FUT9: variants seen among roughly 807,000 people sequenced by gnomAD.
The protein encoded by FUT9 is fucosyltransferase 9, also known as 4-galactosyl-N-acetylglucosaminide 3-alpha-L-fucosyltransferase 9.
In FUT9, 15 loss-of-function variants were observed where a neutral mutation model predicts 29.7. The observed-to-expected ratio is 0.51, with a 90% confidence interval of 0.34 to 0.78. The LOEUF (loss-of-function observed/expected upper bound fraction) is 0.78, where lower values mean the gene tolerates loss of function less well. Among genes scored for constraint, FUT9 ranks in the 30% least tolerant of loss-of-function variants. The probability of loss-of-function intolerance (pLI) is 0.01; values close to 1 mark genes in which losing one functional copy is unlikely to be tolerated. For synonymous variants in FUT9, 169 were observed against 153.7 expected (o/e 1.10, Z -0.74); for missense variants, 319 against 425.4 (o/e 0.75, Z 2.20).
At chr6:96,177,512 A>T (rs1480110258) in intron 2 of FUT9, among the ~76,000 whole-genome samples, 1 of 152,180 alleles carries the variant, frequency 6.6e-6, no homozygotes, top group East Asian at 1.9e-4. Context: ...AAAAAAACAG[A>T]AAACCTATCT....
intron 2 of FUT9, among the ~76,000 whole-genome samples, chr6:96,114,849 G>A (rs1771881214): frequency 6.6e-6 from 1 of 152,246 alleles, no homozygotes; most frequent in South Asian, 2.1e-4. Context: ...CTTTTCCTTG[G>A]ATGAAAGCAA....
At chr6:96,074,700 C>T (rs935239006) in intron 1 of FUT9, among the ~76,000 whole-genome samples, 1 of 152,162 alleles carries the variant, frequency 6.6e-6, no homozygotes, top group Non-Finnish European at 1.5e-5. Context: ...ATCTCTAAAA[C>T]TTTGCTGTTA....
chr6:96,089,444 A>C (rs1450098972), intron 1 of FUT9, among the ~76,000 whole-genome samples: 1 of 152,142 alleles, frequency 6.6e-6, no homozygotes, highest in Non-Finnish European at 1.5e-5. Context: ...GCTTGTTTGC[A>C]TCTCCTTTCT....
chr6:96,176,916 T>A (rs567128112), intron 2 of FUT9, among the ~76,000 whole-genome samples: 4 of 152,256 alleles, frequency 2.6e-5, no homozygotes, highest in Admixed American at 2.6e-4. Flanking sequence ...CCACAGCTAC[T>A]TCATCACATT....
At chr6:96,141,458 T>C (rs897931625) in intron 2 of FUT9, among the ~76,000 whole-genome samples, 1 of 152,110 alleles carries the variant, frequency 6.6e-6, no homozygotes, top group Non-Finnish European at 1.5e-5. Context: ...TCAGGTGAGA[T>C]GCAGGAGAAT....
chr6:96,192,424 C>T (rs541610630), intron 2 of FUT9, among the ~76,000 whole-genome samples: 14 of 152,074 alleles, frequency 9.2e-5, no homozygotes, highest in Admixed American at 4.6e-4. Context: ...AAACAGAGAG[C>T]GAAATCATGA....
chr6:96,018,844 ACC>A (rs2127919806), intron 1 of FUT9, among the ~76,000 whole-genome samples: 4 of 152,028 alleles, frequency 2.6e-5, no homozygotes, highest in African/African-American at 9.6e-5. Flanking sequence ...AAAGGCTTCA[ACC>A]CCTTGGAGAC....
intron 2 of FUT9, among the ~76,000 whole-genome samples, chr6:96,165,732 C>T (rs1357432965): frequency 6.6e-6 from 1 of 152,034 alleles, no homozygotes; most frequent in Non-Finnish European, 1.5e-5. Context: ...TCTTGTGCCT[C>T]AGCCTCCGAA....
intron 2 of FUT9, among the ~76,000 whole-genome samples, chr6:96,182,752 G>T (rs11156276): frequency 0.42 from 63,721 of 151,824 alleles, 14,403 homozygotes; most frequent in South Asian, 0.71. Flanking sequence ...TGGCTTGTAA[G>T]TATTTGGGTT....
intron 2 of FUT9, among the ~76,000 whole-genome samples, chr6:96,128,188 A>G (rs1772168202): frequency 6.6e-6 from 1 of 152,170 alleles, no homozygotes; most frequent in Admixed American, 6.5e-5. Flanking sequence ...GATACTATAA[A>G]CAAAATTAAT....
intron 2 of FUT9, among the ~76,000 whole-genome samples, chr6:96,179,258 A>G (rs9499398): frequency 6.6e-6 from 1 of 152,000 alleles, no homozygotes; most frequent in South Asian, 2.1e-4. Flanking sequence ...ATACATATTT[A>G]CTCATTTAGT....
chr6:96,073,448 CA>C (rs58982988), intron 1 of FUT9, among the ~76,000 whole-genome samples: 2,348 of 61,340 alleles, frequency 0.038, 30 homozygotes, highest in African/African-American at 0.095. Context: ...GACTCCGTCT[CA>C]AAAAAAAAAA....
At chr6:96,187,882 C>T (rs1773432711) in intron 2 of FUT9, among the ~76,000 whole-genome samples, 1 of 152,080 alleles carries the variant, frequency 6.6e-6, no homozygotes, top group Non-Finnish European at 1.5e-5. Flanking sequence ...CAAAGCAGCA[C>T]ATAAGGAATT....
At chr6:96,189,154 A>G (rs1308564984) in intron 2 of FUT9, among the ~76,000 whole-genome samples, 2 of 152,084 alleles carry the variant, frequency 1.3e-5, no homozygotes, top group African/African-American at 4.8e-5. Context: ...AGCTACTGCC[A>G]GTAGAACTGA....
chr6:96,146,029 A>G (rs918937520), intron 2 of FUT9, among the ~76,000 whole-genome samples: 3 of 151,986 alleles, frequency 2.0e-5, no homozygotes, highest in Non-Finnish European at 4.4e-5. Flanking sequence ...TTATTTGTAG[A>G]GATAGTCTCA....
intron 1 of FUT9, among the ~76,000 whole-genome samples, chr6:96,093,086 AG>A (rs1166989496): frequency 6.6e-6 from 1 of 152,010 alleles, no homozygotes; most frequent in Non-Finnish European, 1.5e-5. Flanking sequence ...TTCCTTTGAG[AG>A]CACTATTTCA....
intron 2 of FUT9, among the ~76,000 whole-genome samples, chr6:96,145,207 G>A (rs186024883): frequency 6.6e-4 from 101 of 152,150 alleles, no homozygotes; most frequent in African/African-American, 2.2e-3. Context: ...ACAGGTGCCC[G>A]CTGCCAATCC....
At chr6:96,121,232 A>C (rs1389936579) in intron 2 of FUT9, among the ~76,000 whole-genome samples, 1 of 152,170 alleles carries the variant, frequency 6.6e-6, no homozygotes, top group Non-Finnish European at 1.5e-5. Context: ...TTCTCTTCTT[A>C]TCCCTTATAA....
intron 1 of FUT9, among the ~76,000 whole-genome samples, chr6:96,079,884 A>C (rs1771207078): frequency 6.6e-6 from 1 of 152,116 alleles, no homozygotes; most frequent in Non-Finnish European, 1.5e-5. Context: ...ACTCTAAGAA[A>C]ATAAAAGTTT....
Sources: allele counts gnomAD v4.1 joint callset (sites outside exome capture counted in the v4.1 genomes callset), GRCh38; gene constraint gnomAD v4.1.1; transcripts MANE v1.5; gene names NCBI Gene and HGNC (gene_info 2026-07-23, HGNC 2026-07-21).